The following ZNF518A variants were observed in gnomAD, a reference collection of about 807,000 sequenced individuals.
ZNF518A encodes the protein zinc finger protein 518A.
ZNF518A carries 47 observed loss-of-function variants against 102.7 expected under a neutral mutation model. The ratio of observed to expected loss-of-function variants is 0.46; its 90% confidence interval spans 0.36 to 0.58. The LOEUF (loss-of-function observed/expected upper bound fraction) is 0.58. Among genes scored for constraint, ZNF518A ranks in the 20% least tolerant of loss-of-function variants. The probability of loss-of-function intolerance (pLI) is 0.00; values close to 1 mark genes in which losing one functional copy is unlikely to be tolerated. For synonymous variants in ZNF518A, 652 were observed against 594.6 expected (o/e 1.10, Z -1.40); for missense variants, 1,793 against 1,699.8 (o/e 1.05, Z -0.96).
intron 1 of ZNF518A, among the ~76,000 whole-genome samples, chr10:96,195,648 G>A (rs1306441433): frequency 6.6e-6 from 1 of 152,194 alleles, no homozygotes; most frequent in African/African-American, 2.4e-5. Flanking sequence ...AGGGGCTGAA[G>A]GGAGGGGGAA....
intron 1 of ZNF518A, among the ~76,000 whole-genome samples, chr10:96,180,548 A>G (rs1554891927): frequency 6.6e-6 from 1 of 151,674 alleles, no homozygotes; most frequent in African/African-American, 2.4e-5. Flanking sequence ...CCTGTGTCCA[A>G]GTGTTCTCAT....
chr10:96,134,927 C>T (rs1400683451), intron 3 of ZNF518A, among the ~76,000 whole-genome samples: 2 of 152,160 alleles, frequency 1.3e-5, no homozygotes, highest in East Asian at 1.9e-4. Flanking sequence ...TGGTAAAAGA[C>T]ATGTCATATA....
Position 96,157,621 on chromosome 10 carries a change from A to T in ZNF518A, c.1299A>T (p.Lys433Asn), listed in dbSNP as rs782707434. The T allele has an allele frequency of 6.2e-7, 1 of 1,613,804 alleles. No homozygotes were observed. The highest frequency in any genetic ancestry group is 1.7e-5 in the Admixed American group (1 of 59,994). The stretch of plus-strand genomic sequence containing the variant: ...AAAATGTAATGATGAAAAATAATAA[A>T]CTAGCAGTTTCCCCTAACTATAATG... ...TLKNVMMKNN[K>N]LAVSPNYNAT... Residue 433 changes from lysine to asparagine, a missense_variant, in exon 6 of 6, where the codon AAA becomes AAT. By Grantham distance (94) the Lys-to-Asn change is moderately conservative (BLOSUM62 0). Around this residue, in one of 3 missense-constraint regions of ZNF518A, gnomAD observed 1,741 missense variants for 1,622.6 expected, o/e 1.07. Coordinates refer to ENST00000316045, the MANE Select transcript of ZNF518A (RefSeq NM_001330736.2).
chr10:96,190,195 C>T lies in ZNF518A; in HGVS notation n.36-13379C>T, dbSNP rs370276751. ...ATAGTTCTGGGCCTCAGGGGGCTCA[C>T]GTCCATGTCCATCGAATCTTCCATC... is the stretch of plus-strand genomic sequence containing the variant. On this transcript the variant is annotated intron_variant and non_coding_transcript_variant, in intron 1 of 2. Transcript: ENST00000442635. 1.1e-4 allele frequency: 86 copies of T among 781,346 alleles called. 1 individual carries two copies. Among genetic ancestry groups the T allele is most frequent in the African/African-American group, 7.9e-4 (47 of 59,390 alleles). The allele number at this position is 781,346 out of a possible 1,614,324, so 48.4% of individuals were successfully genotyped here.
chr10:96,144,988 ATTTC>A (rs1266821894), intron 3 of ZNF518A, among the ~76,000 whole-genome samples: 1 of 152,210 alleles, frequency 6.6e-6, no homozygotes, highest in African/African-American at 2.4e-5. Flanking sequence ...AATTTTTAGT[ATTTC>A]TTTTAACAGT....
intron 3 of ZNF518A, among the ~76,000 whole-genome samples, chr10:96,139,506 T>C (rs2081802496): frequency 6.6e-6 from 1 of 152,120 alleles, no homozygotes; most frequent in Admixed American, 6.5e-5. Flanking sequence ...AACCAGGAAG[T>C]AGGCCCTCCC....
chr10:96,157,897 A>C lies in ZNF518A; in HGVS notation c.1575A>C (p.Ala525=). The change falls in exon 6 of 6, where the codon GCA becomes GCC. Residue 525 remains alanine (A), a synonymous_variant. Coordinates refer to ENST00000316045, the MANE Select transcript of ZNF518A (RefSeq NM_001330736.2). ...SCSSSILSGK[A]SSEKEMTLIS... ...CATCTTCTATACTTTCAGGGAAAGC[A>C]AGTTCAGAAAAAGAAATGACTTTGA... The C allele has an allele frequency of 6.2e-7, 1 of 1,613,922 alleles. No homozygotes were observed. Among genetic ancestry groups the C allele is most frequent in the Middle Eastern group, 1.6e-4 (1 of 6,062 alleles).
At chr10:96,168,497 T>C (rs1405921832), downstream of ZNF518A, among the ~76,000 whole-genome samples, 1 of 152,160 alleles carries the variant, frequency 6.6e-6, no homozygotes, top group Admixed American at 6.5e-5. Context: ...CATTTTAGCT[T>C]TATACTCCCT....
At chr10:96,176,137 C>T (rs781974070) in intron 1 of ZNF518A, among the ~76,000 whole-genome samples, 14 of 152,048 alleles carry the variant, frequency 9.2e-5, no homozygotes, top group African/African-American at 3.4e-4. Flanking sequence ...GTCTATGTTG[C>T]CCAGGCTGGT....
chr10:96,193,996 T>C (rs1463150165), intron 1 of ZNF518A, among the ~76,000 whole-genome samples: 1 of 152,212 alleles, frequency 6.6e-6, no homozygotes, highest in African/African-American at 2.4e-5. Flanking sequence ...ATTATAGTAA[T>C]ATATTACTTA....
intron 3 of ZNF518A, among the ~76,000 whole-genome samples, chr10:96,141,919 T>C (rs1362322014): frequency 6.6e-5 from 10 of 152,124 alleles, no homozygotes; most frequent in Admixed American, 6.6e-4. Flanking sequence ...TTTAAAATAC[T>C]TTTGTAGAGA....
intron 1 of ZNF518A, among the ~76,000 whole-genome samples, chr10:96,183,386 G>A (rs2083251531): frequency 6.6e-6 from 1 of 152,072 alleles, no homozygotes. Flanking sequence ...TGCTTCTCTA[G>A]CTCTTTTAAT....
chr10:96,192,081 A>C, intron 1 of ZNF518A: 1 of 1,613,752 alleles, frequency 6.2e-7, no homozygotes, highest in Non-Finnish European at 8.5e-7. Flanking sequence ...TTTCAGCAAC[A>C]CTTCCAAAGT....
chr10:96,138,335 C>T (rs1015620716), intron 3 of ZNF518A, among the ~76,000 whole-genome samples: 5 of 152,178 alleles, frequency 3.3e-5, no homozygotes, highest in African/African-American at 1.2e-4. Flanking sequence ...CCCCTTGTTA[C>T]TTCTCTGACC....
chr10:96,189,842 T>G, intron 1 of ZNF518A: 1 of 1,208,780 alleles, frequency 8.3e-7, no homozygotes, highest in Non-Finnish European at 1.2e-6. Context: ...CTCCTCTTCA[T>G]CTTCTGACTC....
intron 1 of ZNF518A, among the ~76,000 whole-genome samples, chr10:96,202,032 G>C (rs782230909): frequency 1.3e-5 from 2 of 152,282 alleles, no homozygotes; most frequent in South Asian, 4.1e-4. Flanking sequence ...CCCGGGTAGA[G>C]GGAGCTGTGA....
chr10:96,155,651 A>G (rs2082662834), intron 4 of ZNF518A: 1 of 152,190 alleles, frequency 6.6e-6, no homozygotes, highest in South Asian at 2.1e-4. Context: ...TTTCCGTTAG[A>G]TGAATGAAGC....
chr10:96,132,922 GA>G (rs1454417700), intron 2 of ZNF518A: 3 of 151,706 alleles, frequency 2.0e-5, no homozygotes, highest in Non-Finnish European at 4.4e-5. Context: ...AAAAGAAAAA[GA>G]AAAAAAGAAT....
chr10:96,168,442 T>G (rs1167040571), downstream of ZNF518A, among the ~76,000 whole-genome samples: 2 of 152,152 alleles, frequency 1.3e-5, no homozygotes, highest in South Asian at 2.1e-4. Context: ...CCAGTGTTTT[T>G]TTTTTTTCAT....
Sources: allele counts gnomAD v4.1 joint callset (sites outside exome capture counted in the v4.1 genomes callset), GRCh38; gene constraint gnomAD v4.1.1; regional missense constraint gnomAD v4.1.1; transcripts MANE v1.5; gene names NCBI Gene and HGNC (gene_info 2026-07-23, HGNC 2026-07-21).